The following GFOD1 variants were observed in gnomAD, a reference collection of about 807,000 sequenced individuals.
The protein encoded by GFOD1 is glucose-fructose oxidoreductase domain-containing protein 1.
A neutral mutation model predicts 25.4 loss-of-function variants in GFOD1; 9 were observed. The observed-to-expected ratio is 0.35, with a 90% CI of 0.21 to 0.62. The LOEUF is 0.62. Among genes scored for constraint, GFOD1 ranks in the 20% least tolerant of loss-of-function variants. The pLI is 0.72. For synonymous variants in GFOD1, 253 were observed against 245.6 expected (o/e 1.03, Z -0.28); for missense variants, 403 against 556.9 (o/e 0.72, Z 2.78).
At chr6:13,393,860 A>C (rs990762139) in intron 1 of GFOD1, among the ~76,000 whole-genome samples, 2 of 145,936 alleles carry the variant, frequency 1.4e-5, no homozygotes, top group South Asian at 2.2e-4. Context: ...GCTCACTGCA[A>C]GCTCCGCCTC....
chr6:13,439,914 C>T (rs1469474774), intron 1 of GFOD1, among the ~76,000 whole-genome samples: 1 of 152,148 alleles, frequency 6.6e-6, no homozygotes, highest in Non-Finnish European at 1.5e-5. Flanking sequence ...AAGAATTTCA[C>T]GGGCAATTCT....
At chr6:13,405,823 T>C (rs1785934206) in intron 1 of GFOD1, among the ~76,000 whole-genome samples, 1 of 152,140 alleles carries the variant, frequency 6.6e-6, no homozygotes, top group African/African-American at 2.4e-5. Flanking sequence ...GTGGGTGGGA[T>C]AGGGCAGAGT....
intron 1 of GFOD1, among the ~76,000 whole-genome samples, chr6:13,460,270 C>G (rs1758269423): frequency 6.6e-6 from 1 of 152,206 alleles, no homozygotes; most frequent in African/African-American, 2.4e-5. Flanking sequence ...CCTCAAGAAT[C>G]TAGAGCCAGA....
At chr6:13,458,426 C>G (rs1758230221) in intron 1 of GFOD1, among the ~76,000 whole-genome samples, 3 of 152,014 alleles carry the variant, frequency 2.0e-5, no homozygotes, top group Admixed American at 2.0e-4. Flanking sequence ...CTGTATTATA[C>G]AATATTTTAT....
intron 1 of GFOD1, among the ~76,000 whole-genome samples, chr6:13,417,481 T>C (rs906815920): frequency 2.0e-5 from 3 of 152,222 alleles, no homozygotes; most frequent in African/African-American, 7.2e-5. Flanking sequence ...TAGAAATATT[T>C]TCCAAAAGAA....
At chr6:13,425,877 A>C (rs1259819271) in intron 1 of GFOD1, among the ~76,000 whole-genome samples, 2 of 151,110 alleles carry the variant, frequency 1.3e-5, no homozygotes, top group Non-Finnish European at 2.9e-5. Context: ...GCTAGGAAAA[A>C]AAAAAAAAGA....
intron 1 of GFOD1, among the ~76,000 whole-genome samples, chr6:13,370,812 AT>A (rs1435044198): frequency 1.3e-5 from 2 of 152,056 alleles, no homozygotes; most frequent in Admixed American, 1.3e-4. Flanking sequence ...GGGAACTTGC[AT>A]TGTCTGAGTG....
intron 1 of GFOD1, among the ~76,000 whole-genome samples, chr6:13,417,633 G>T (rs1786184497): frequency 6.6e-6 from 1 of 152,156 alleles, no homozygotes; most frequent in Non-Finnish European, 1.5e-5. Context: ...CAAGCACAAA[G>T]GGCTTCTTAC....
At chr6:13,436,547 G>T (rs576564345) in intron 1 of GFOD1, among the ~76,000 whole-genome samples, 1 of 152,212 alleles carries the variant, frequency 6.6e-6, no homozygotes, top group African/African-American at 2.4e-5. Context: ...CTGCATAATA[G>T]TGTGTTGTAT....
At position 13,381,412 on chromosome 6, in the gene GFOD1, G is replaced by A. The variant is rs1315200383; in HGVS notation, c.254-15750C>T. Among the ~76,000 whole-genome samples the A allele has an allele frequency of 3.9e-5, 6 of 152,182 alleles. No individual in the cohort carries two copies. The East Asian group carries it at 7.7e-4, about 20-fold the overall frequency. On this transcript the variant is annotated intron_variant, in intron 1 of 1. Transcript: ENST00000379287. ...TATTTTCTCTTCCACCTAATACAGTGAGGCCCTAGAAGAGGCCAGGATACA... is the reference window on the plus strand; with the variant it reads ...TATTTTCTCTTCCACCTAATACAGTAAGGCCCTAGAAGAGGCCAGGATACA...
chr6:13,364,949 G>T lies in GFOD1; in HGVS notation c.967C>A (p.Arg323=). ...AGGGGCCGCCCATCCCACGTGCGCC[G>T]GTCGTCCTGGTCCTGGAAGGCCTGG... ...VRQAFQDQDD[R]RTWDGRPLTM... The change falls in exon 2 of 2, where the codon CGG becomes AGG. Residue 323 remains arginine (R), a synonymous_variant. Transcript: ENST00000379287. The surrounding 1 kb of genome is among the most constrained non-coding windows in gnomAD (Gnocchi z 4.1). 1.2e-6 allele frequency: 2 copies of T among 1,610,764 alleles called. No homozygotes were observed. Among genetic ancestry groups the T allele is most frequent in the Non-Finnish European group, 1.7e-6 (2 of 1,179,822 alleles).
intron 1 of GFOD1, among the ~76,000 whole-genome samples, chr6:13,417,300 C>T (rs531214886): frequency 8.5e-5 from 13 of 152,156 alleles, no homozygotes; most frequent in African/African-American, 2.9e-4. Context: ...ACTACAGGTG[C>T]CCGCCACCAC....
In GFOD1 at chr6:13,430,702, C is replaced by T. The variant is rs547377882; in HGVS notation, c.253+55936G>A. Among the ~76,000 whole-genome samples the T allele has an allele frequency of 9.2e-5, 14 of 152,030 alleles. No homozygotes were observed. In the South Asian group the frequency reaches 2.7e-3, roughly 29 times the overall value. ...TGGGACAGCGGGTAGGGAAAAGTAT[C>T]CTTGTGGCCTCCAGCACAGCCTCCA... On this transcript the variant is annotated intron_variant, in intron 1 of 1. Coordinates refer to ENST00000379287, the MANE Select transcript of GFOD1 (RefSeq NM_018988.4). This position sits in a 1 kb window ranked among gnomAD's most constrained non-coding sequence, Gnocchi z 4.1.
At chr6:13,420,348 G>A (rs978993445) in intron 1 of GFOD1, among the ~76,000 whole-genome samples, 1 of 152,184 alleles carries the variant, frequency 6.6e-6, no homozygotes, top group Non-Finnish European at 1.5e-5. Flanking sequence ...AACAGCAGTC[G>A]AATTCTGGCA....
At chr6:13,463,587 A>T (rs982788873) in intron 1 of GFOD1, among the ~76,000 whole-genome samples, 2 of 152,188 alleles carry the variant, frequency 1.3e-5, no homozygotes, top group African/African-American at 2.4e-5. Context: ...CCGTCCATTA[A>T]GCATGGTGAA....
chr6:13,470,181 G>C lies in GFOD1; in HGVS notation c.253+16457C>G, dbSNP rs561256752. Reference sequence around the variant, plus strand: ...TCCCACTGGCTTCCCCAGCACCTGCGCGCGATGAACGCATCTATCTGTAAT... The same window carrying C: ...TCCCACTGGCTTCCCCAGCACCTGCCCGCGATGAACGCATCTATCTGTAAT... On this transcript the variant is annotated intron_variant, in intron 1 of 1. Transcript: ENST00000379287. The C allele has an allele frequency of 4.5e-6, 7 of 1,557,756 alleles. No homozygotes were observed. The South Asian group carries it at 7.8e-5, about 17-fold the overall frequency.
intron 1 of GFOD1, among the ~76,000 whole-genome samples, chr6:13,439,047 C>T (rs931117624): frequency 3.1e-5 from 4 of 130,280 alleles, no homozygotes; most frequent in African/African-American, 8.1e-5. Flanking sequence ...TGTCTAGAAA[C>T]ATCCATCTCT....
chr6:13,487,075 CG>C lies in GFOD1; in HGVS notation c.-186del, dbSNP rs1758889744. 3.0e-6 allele frequency: 2 copies of C among 663,408 alleles called. No individual in the cohort carries two copies. Among genetic ancestry groups the C allele is most frequent in the African/African-American group, 3.7e-5 (2 of 54,734 alleles). The allele number at this position is 663,408 out of a possible 1,614,324, so 41.1% of individuals were successfully genotyped here. ...CACCGAGCTGCAGGCGGAGCAAGCT[CG>C]GGGCGCCTCAGAACGGTGACTGCGG... is the stretch of plus-strand genomic sequence containing the variant. On this transcript the variant is annotated 5_prime_UTR_variant, in exon 1 of 2. Coordinates refer to ENST00000379287, the MANE Select transcript of GFOD1 (RefSeq NM_018988.4). This position sits in a 1 kb window ranked among gnomAD's most constrained non-coding sequence, Gnocchi z 4.9.
intron 1 of GFOD1, among the ~76,000 whole-genome samples, chr6:13,458,348 C>T (rs1758228172): frequency 6.6e-6 from 1 of 152,170 alleles, no homozygotes; most frequent in South Asian, 2.1e-4. Context: ...GAACTCCTGA[C>T]CTTGTGATCC....
Sources: allele counts gnomAD v4.1 joint callset (sites outside exome capture counted in the v4.1 genomes callset), GRCh38; gene constraint gnomAD v4.1.1; non-coding constraint Gnocchi (gnomAD v3.1); transcripts MANE v1.5; gene names NCBI Gene and HGNC (gene_info 2026-07-23, HGNC 2026-07-21).